The following ABTB3 variants were observed in gnomAD, a reference collection of about 807,000 sequenced individuals.
ABTB3 encodes ankyrin repeat and BTB domain containing 3.
At chr12:107,635,121 A>G in the ABTB3 span, among the ~76,000 whole-genome samples, 1 of 152,144 alleles carries the variant, frequency 6.6e-6, no homozygotes, top group African/African-American at 2.4e-5. Context: ...TAAATCCAGG[A>G]CCCATGAATG....
chr12:107,328,495 A>G, the ABTB3 span, among the ~76,000 whole-genome samples: 4 of 152,244 alleles, frequency 2.6e-5, no homozygotes, highest in South Asian at 2.1e-4. Flanking sequence ...TGGGTGCTCC[A>G]GGAAAATTGT....
At chr12:107,456,318 T>C in the ABTB3 span, among the ~76,000 whole-genome samples, 1 of 152,150 alleles carries the variant, frequency 6.6e-6, no homozygotes, top group Non-Finnish European at 1.5e-5. Context: ...TAGCAGGAAG[T>C]GAGTGGCAGG....
chr12:107,458,786 C>A, the ABTB3 span, among the ~76,000 whole-genome samples: 1 of 152,176 alleles, frequency 6.6e-6, no homozygotes, highest in Non-Finnish European at 1.5e-5. Flanking sequence ...ACCAGCTTAC[C>A]TGCTACTTCC....
the ABTB3 span, among the ~76,000 whole-genome samples, chr12:107,463,139 G>A: frequency 1.2e-4 from 18 of 151,044 alleles, no homozygotes; most frequent in Non-Finnish European, 2.9e-5. Context: ...TGGTGATGAT[G>A]GTGATGATGT....
the ABTB3 span, among the ~76,000 whole-genome samples, chr12:107,334,673 G>A: frequency 4.8e-4 from 73 of 152,136 alleles, no homozygotes; most frequent in African/African-American, 1.7e-3. Context: ...GGAGTTGAGA[G>A]CATGTGGATG....
chr12:107,490,215 G>A, the ABTB3 span, among the ~76,000 whole-genome samples: 1 of 152,088 alleles, frequency 6.6e-6, no homozygotes, highest in Non-Finnish European at 1.5e-5. Flanking sequence ...GTTCCTGAAG[G>A]CGGGGCTGCT....
At chr12:107,638,120 T>C in the ABTB3 span, among the ~76,000 whole-genome samples, 1 of 151,906 alleles carries the variant, frequency 6.6e-6, no homozygotes. Flanking sequence ...TTAAAGAAAG[T>C]GGGATTACAC....
At chr12:107,545,366 C>A in the ABTB3 span, among the ~76,000 whole-genome samples, 7 of 152,168 alleles carry the variant, frequency 4.6e-5, no homozygotes, top group Middle Eastern at 3.4e-3. Flanking sequence ...CTCAGCCCCC[C>A]TCAAGTAGCT....
the ABTB3 span, among the ~76,000 whole-genome samples, chr12:107,546,642 T>C: frequency 6.6e-6 from 1 of 152,160 alleles, no homozygotes; most frequent in Admixed American, 6.5e-5. Context: ...GGCAGGTGGA[T>C]CACCTGAGGT....
chr12:107,638,830 T>C, the ABTB3 span, among the ~76,000 whole-genome samples: 1 of 152,236 alleles, frequency 6.6e-6, no homozygotes, highest in Non-Finnish European at 1.5e-5. Flanking sequence ...GTTGGCTAAA[T>C]AACTTGCCAA....
chr12:107,645,181 G>A, the ABTB3 span, among the ~76,000 whole-genome samples: 9 of 152,158 alleles, frequency 5.9e-5, no homozygotes, highest in East Asian at 1.5e-3. Flanking sequence ...CGGCCAGGCT[G>A]GTCTCGAACT....
At chr12:107,452,069 G>T in the ABTB3 span, among the ~76,000 whole-genome samples, 2 of 152,132 alleles carry the variant, frequency 1.3e-5, no homozygotes, top group Non-Finnish European at 2.9e-5. Context: ...GCACTAAACT[G>T]TGAGCTTGTT....
chr12:107,445,037 C>T, the ABTB3 span, among the ~76,000 whole-genome samples: 1 of 152,242 alleles, frequency 6.6e-6, no homozygotes, highest in African/African-American at 2.4e-5. Context: ...ACCGCTTTGC[C>T]TCTGATCGTG....
the ABTB3 span, among the ~76,000 whole-genome samples, chr12:107,613,609 T>A: frequency 6.6e-6 from 1 of 152,176 alleles, no homozygotes; most frequent in Non-Finnish European, 1.5e-5. Flanking sequence ...CTCATATAGT[T>A]GTCAGAAGGG....
chr12:107,501,990 T>C, the ABTB3 span, among the ~76,000 whole-genome samples: 3 of 151,972 alleles, frequency 2.0e-5, no homozygotes, highest in Non-Finnish European at 4.4e-5. Flanking sequence ...TGGAGATCAT[T>C]GAAAAAATGC....
chr12:107,586,163 T>A, the ABTB3 span, among the ~76,000 whole-genome samples: 1 of 151,974 alleles, frequency 6.6e-6, no homozygotes, highest in African/African-American at 2.4e-5. Context: ...AGGGACAGGG[T>A]CATGCTCCTG....
chr12:107,628,204 G>T, the ABTB3 span, among the ~76,000 whole-genome samples: 1 of 152,144 alleles, frequency 6.6e-6, no homozygotes, highest in Non-Finnish European at 1.5e-5. Context: ...ACAGTGGGGC[G>T]ATCTCCACTC....
At chr12:107,503,362 T>C in the ABTB3 span, among the ~76,000 whole-genome samples, 1 of 152,020 alleles carries the variant, frequency 6.6e-6, no homozygotes, top group Admixed American at 6.5e-5. Context: ...TGCTGGCAGG[T>C]TGTTTACTGT....
chr12:107,448,633 CTTTCTTTCTTTCT>C, the ABTB3 span, among the ~76,000 whole-genome samples: 1 of 148,316 alleles, frequency 6.7e-6, no homozygotes, highest in Non-Finnish European at 1.5e-5. Context: ...TTCTTTCTTT[CTTTCTTTCTTTCT>C]TTTTTTTTTT....
Sources: allele counts gnomAD v4.1 joint callset (sites outside exome capture counted in the v4.1 genomes callset), GRCh38; gene constraint gnomAD v4.1.1; transcripts MANE v1.5; gene names NCBI Gene and HGNC (gene_info 2026-07-23, HGNC 2026-07-21).